MBNL3: variants seen among roughly 807,000 people sequenced by gnomAD.
MBNL3 encodes the protein muscleblind-like protein 3.
MBNL3 carries 6 observed loss-of-function variants against 24.5 expected under a neutral mutation model. That is an observed-to-expected ratio of 0.25 (90% CI 0.13 to 0.48). MBNL3 has a LOEUF of 0.48. Among genes scored for constraint, MBNL3 ranks in the 20% least tolerant of loss-of-function variants. MBNL3 has a pLI of 0.99. For missense variants in MBNL3, 230 were observed against 293.5 expected (o/e 0.78, Z 1.58); for synonymous variants, 100 against 101.7 (o/e 0.98, Z 0.10).
At chrX:132,397,376 C>G (rs1282164285) in intron 3 of MBNL3, among the ~76,000 whole-genome samples, 1 of 111,070 alleles carries the variant, frequency 9.0e-6, no homozygotes. Flanking sequence ...CTTTGTGTCT[C>G]CTCAATAGCC....
At chrX:132,406,465 T>G in intron 2 of MBNL3, 73 bp from the exon 3 acceptor site, 1 of 968,698 alleles carries the variant, frequency 1.0e-6, no homozygotes, top group South Asian at 2.7e-5. Context: ...CTCCATTATC[T>G]GGGGACAATC....
intron 1 of MBNL3, among the ~76,000 whole-genome samples, chrX:132,467,967 C>T (rs1946978119): frequency 8.9e-6 from 1 of 111,939 alleles, no homozygotes; most frequent in Non-Finnish European, 1.9e-5. Context: ...TTTGACCAAG[C>T]AGAACTCCCA....
chrX:132,461,026 C>A (rs1010783789), intron 1 of MBNL3, among the ~76,000 whole-genome samples: 1 of 111,788 alleles, frequency 8.9e-6, no homozygotes, highest in African/African-American at 3.3e-5. Context: ...CAAGTTGCTT[C>A]AAAAGACATT....
Position 132,439,500 on chromosome X carries a change from C to G in MBNL3, c.112G>C (p.Ala38Pro). Residue 38 changes from alanine (A) to proline (P), a missense_variant, in exon 2 of 9, where the codon GCC becomes CCC. Coordinates refer to ENST00000370853, the MANE Select transcript of MBNL3 (RefSeq NM_001386889.1). ...CSRADADCKF[A>P]HPPRVCHVEN... ...ACATGGCAAACTCTTGGTGGATGGGCAAACTTGCAATCTGCATCAGCTCGA... is the reference window on the plus strand; with the variant it reads ...ACATGGCAAACTCTTGGTGGATGGGGAAACTTGCAATCTGCATCAGCTCGA... 1 of 1,208,434 alleles carries G rather than the reference C, an allele frequency of 8.3e-7. No homozygotes were observed. The highest frequency in any genetic ancestry group is 1.1e-6 in the Non-Finnish European group (1 of 894,095).
chrX:132,382,316 G>A, intron 7 of MBNL3, 44 bp from the exon 8 acceptor site: 1 of 1,030,014 alleles, frequency 9.7e-7, no homozygotes, highest in Non-Finnish European at 1.3e-6. Context: ...GAGGGTAGAG[G>A]ATTTATGCAA....
At position 132,375,806 on chromosome X, in the gene MBNL3, A is replaced by T. The variant is rs1387990594; in HGVS notation, c.*3860T>A. 1 of 111,635 alleles carries T rather than the reference A, an allele frequency of 9.0e-6. No individual in the cohort carries two copies. Among genetic ancestry groups the T allele is most frequent in the Non-Finnish European group, 1.9e-5 (1 of 52,996 alleles). 9.2% of individuals were successfully genotyped at this position (111,635 alleles called of 1,213,427 possible). On this transcript the variant is annotated 3_prime_UTR_variant, in exon 9 of 9. Coordinates refer to ENST00000370853, the MANE Select transcript of MBNL3 (RefSeq NM_001386889.1). ...CTGTACCTCATAGCCTACCCTACAG[A>T]CTAAAGGAACTCGGAAAACTTGTGG...
At chrX:132,441,751 A>G (rs956332162) in intron 1 of MBNL3, among the ~76,000 whole-genome samples, 2 of 111,810 alleles carry the variant, frequency 1.8e-5, no homozygotes, top group African/African-American at 6.5e-5. Flanking sequence ...CTCAGTATAT[A>G]CCCAAAGTAT....
At chrX:132,480,669 G>A (rs900628660) in intron 1 of MBNL3, among the ~76,000 whole-genome samples, 2 of 111,758 alleles carry the variant, frequency 1.8e-5, no homozygotes, top group African/African-American at 6.5e-5. Context: ...TCTTCAAAGG[G>A]CAGAATGTGG....
At chrX:132,408,630 G>A (rs996214536) in intron 2 of MBNL3, among the ~76,000 whole-genome samples, 1 of 111,798 alleles carries the variant, frequency 8.9e-6, no homozygotes, top group Non-Finnish European at 1.9e-5. Context: ...AGATAAAGAA[G>A]TGAACATGCC....
At chrX:132,413,539 A>C (rs1943012777) in intron 2 of MBNL3, 1 of 1,161,816 alleles carries the variant, frequency 8.6e-7, no homozygotes, top group East Asian at 3.3e-5. Flanking sequence ...CCAGGCCTTC[A>C]TTTGCCCAGA....
Position 132,370,296 on chromosome X carries a change from C to G in MBNL3, c.*9370G>C, listed in dbSNP as rs867496636. 8.9e-6 allele frequency: 1 copy of G among 112,090 alleles called. No homozygotes were observed. The highest frequency in any genetic ancestry group is 3.7e-4 in the South Asian group (1 of 2,679). The allele number at this position is 112,090 out of a possible 1,213,427, so 9.2% of individuals were successfully genotyped here. On this transcript the variant is annotated 3_prime_UTR_variant, in exon 9 of 9. Coordinates refer to ENST00000370853, the MANE Select transcript of MBNL3 (RefSeq NM_001386889.1). ...CAGGCCTGTCATTGTATCATGCCCTCTACAGATGATGACCATGGGAATGGA... is the reference window on the plus strand; with the variant it reads ...CAGGCCTGTCATTGTATCATGCCCTGTACAGATGATGACCATGGGAATGGA...
At chrX:132,402,562 G>C (rs1318722578) in intron 3 of MBNL3, among the ~76,000 whole-genome samples, 2 of 111,414 alleles carry the variant, frequency 1.8e-5, no homozygotes, top group African/African-American at 6.5e-5. Context: ...TTTTTGCTGG[G>C]AACATCAGGA....
At chrX:132,458,728 T>C (rs1946496169) in intron 1 of MBNL3, among the ~76,000 whole-genome samples, 2 of 110,693 alleles carry the variant, frequency 1.8e-5, no homozygotes, top group South Asian at 7.8e-4. Flanking sequence ...CATTGGCAAT[T>C]AAATTTGAAG....
At chrX:132,411,491 T>C (rs1389966830) in intron 2 of MBNL3, 30 of 705,650 alleles carry the variant, frequency 4.3e-5, no homozygotes, top group Non-Finnish European at 5.0e-5. Context: ...TTGTGCACCT[T>C]TATCTTACAG....
intron 2 of MBNL3, among the ~76,000 whole-genome samples, chrX:132,419,861 A>C (rs1171756748): frequency 8.9e-6 from 1 of 112,641 alleles, no homozygotes; most frequent in African/African-American, 3.2e-5. Flanking sequence ...ATGTGGCTGC[A>C]TCATGTAAAC....
chrX:132,411,720 C>T (rs763541402), intron 2 of MBNL3, among the ~76,000 whole-genome samples: 50 of 111,480 alleles, frequency 4.5e-4, no homozygotes, highest in African/African-American at 1.5e-3. Flanking sequence ...TCAGTTTTAT[C>T]GTAGCTCTTA....
chrX:132,418,356 G>A (rs1353477941), intron 2 of MBNL3, among the ~76,000 whole-genome samples: 1 of 111,764 alleles, frequency 8.9e-6, no homozygotes, highest in African/African-American at 3.3e-5. Flanking sequence ...TGCTTTATAT[G>A]CATTAACTCA....
At chrX:132,470,530 A>G (rs1235390177) in intron 1 of MBNL3, among the ~76,000 whole-genome samples, 1 of 111,909 alleles carries the variant, frequency 8.9e-6, no homozygotes, top group Non-Finnish European at 1.9e-5. Flanking sequence ...AGTTTACATT[A>G]AAGTCTCCTA....
chrX:132,441,607 C>A (rs140583960), intron 1 of MBNL3, among the ~76,000 whole-genome samples: 22 of 111,985 alleles, frequency 2.0e-4, no homozygotes, highest in African/African-American at 6.8e-4. Flanking sequence ...AATGTGATGA[C>A]CACTCTCATT....
Sources: allele counts gnomAD v4.1 joint callset (sites outside exome capture counted in the v4.1 genomes callset), GRCh38; gene constraint gnomAD v4.1.1; transcripts MANE v1.5; gene names NCBI Gene and HGNC (gene_info 2026-07-23, HGNC 2026-07-21).